ACER3: variants seen among roughly 807,000 people sequenced by gnomAD.
The protein encoded by ACER3 is alkCDase 3.
In ACER3, 16 loss-of-function variants were observed where a neutral mutation model predicts 48.9. The ratio of observed to expected loss-of-function variants is 0.33; its 90% CI spans 0.22 to 0.50. The LOEUF (loss-of-function observed/expected upper bound fraction) is 0.50. ACER3 is among the 20% of genes least tolerant of loss of function. The probability of loss-of-function intolerance (pLI) is 0.98; values close to 1 mark genes in which losing one functional copy is unlikely to be tolerated. For synonymous variants in ACER3, 109 were observed against 107.8 expected (o/e 1.01, Z -0.07); for missense variants, 227 against 326.0 (o/e 0.70, Z 2.34).
At chr11:76,973,086 G>A (rs1249358331) in intron 3 of ACER3, among the ~76,000 whole-genome samples, 2 of 152,210 alleles carry the variant, frequency 1.3e-5, no homozygotes, top group African/African-American at 2.4e-5. Context: ...AGCCCTATAA[G>A]TGAGGCCAGG....
chr11:76,944,121 A>G (rs1016792502), intron 2 of ACER3, among the ~76,000 whole-genome samples: 2 of 152,008 alleles, frequency 1.3e-5, no homozygotes, highest in East Asian at 1.9e-4. Context: ...GTCAATCTAT[A>G]TATTTTAAGT....
chr11:76,996,424 TTATTA>T (rs1948912026), intron 6 of ACER3, among the ~76,000 whole-genome samples: 6 of 140,518 alleles, frequency 4.3e-5, no homozygotes, highest in East Asian at 1.9e-4. Flanking sequence ...ATTATTATTA[TTATTA>T]TTTTTTGAGA....
chr11:77,003,670 A>G (rs1392950920), intron 7 of ACER3, among the ~76,000 whole-genome samples: 5 of 152,228 alleles, frequency 3.3e-5, no homozygotes, highest in Admixed American at 6.5e-5. Context: ...CTATTTCCTA[A>G]TGAGCATTTA....
intron 3 of ACER3, among the ~76,000 whole-genome samples, chr11:76,967,165 G>A (rs1164613539): frequency 6.6e-6 from 1 of 152,134 alleles, no homozygotes; most frequent in Non-Finnish European, 1.5e-5. Context: ...TACCATCAGA[G>A]AATACTATAA....
intron 3 of ACER3, among the ~76,000 whole-genome samples, chr11:76,970,157 G>A (rs1233390240): frequency 6.6e-6 from 1 of 152,054 alleles, no homozygotes; most frequent in African/African-American, 2.4e-5. Flanking sequence ...CCAAAAGGGT[G>A]AGGATTATAA....
At chr11:77,012,031 T>C (rs1357873680) in intron 7 of ACER3, among the ~76,000 whole-genome samples, 4 of 152,094 alleles carry the variant, frequency 2.6e-5, no homozygotes, top group Admixed American at 2.6e-4. Context: ...TATAATTACT[T>C]CTATTCAACA....
chr11:76,926,738 A>T, intron 2 of ACER3, 71 bp downstream of exon 2: 1 of 1,091,504 alleles, frequency 9.2e-7, no homozygotes, highest in Non-Finnish European at 1.3e-6. Flanking sequence ...CATTTCTAAA[A>T]GCGGTTTTCA....
At chr11:76,927,638 G>T (rs10899317) in intron 2 of ACER3, among the ~76,000 whole-genome samples, 113,577 of 150,482 alleles carry the variant, frequency 0.75, 43,219 homozygotes, top group African/African-American at 0.81. Context: ...GGCCCTGGTG[G>T]GTGATGTTCC....
intron 1 of ACER3, among the ~76,000 whole-genome samples, chr11:76,918,815 A>G (rs1190696965): frequency 2.0e-5 from 3 of 152,208 alleles, no homozygotes; most frequent in Non-Finnish European, 4.4e-5. Context: ...AAGTTCACAC[A>G]GCTAGAAGGT....
intron 1 of ACER3, among the ~76,000 whole-genome samples, chr11:76,925,430 G>A (rs1946804020): frequency 6.6e-6 from 1 of 152,196 alleles, no homozygotes; most frequent in Non-Finnish European, 1.5e-5. Context: ...ATGAGTTATA[G>A]TACAATTTTT....
At chr11:76,913,867 T>C (rs1442937062) in intron 1 of ACER3, among the ~76,000 whole-genome samples, 1 of 152,060 alleles carries the variant, frequency 6.6e-6, no homozygotes, top group Admixed American at 6.5e-5. Flanking sequence ...ACCAGTGGAA[T>C]AGAACAGAGC....
intron 2 of ACER3, among the ~76,000 whole-genome samples, chr11:76,950,406 TATATAA>T (rs1565195036): frequency 2.0e-4 from 6 of 29,890 alleles, no homozygotes; most frequent in East Asian, 2.2e-3. Context: ...TATATATATA[TATATAA>T]TTTACACATG....
chr11:76,990,650 T>C (rs1266866354), intron 6 of ACER3, 76 bp downstream of exon 6: 1 of 1,003,570 alleles, frequency 1.0e-6, no homozygotes, highest in Non-Finnish European at 1.5e-6. Context: ...GTCTAAGAAA[T>C]GATATGCAGA....
intron 1 of ACER3, chr11:76,868,277 A>T: frequency 7.8e-7 from 1 of 1,280,376 alleles, no homozygotes; most frequent in Non-Finnish European, 1.0e-6. Flanking sequence ...GGCAAGCAGC[A>T]CTGCCTCCAA....
chr11:76,864,095 G>A (rs1269677987), intron 1 of ACER3, among the ~76,000 whole-genome samples: 1 of 152,186 alleles, frequency 6.6e-6, no homozygotes, highest in Admixed American at 6.5e-5. Context: ...AGTGTTTGGG[G>A]AATTGCATAT....
intron 1 of ACER3, among the ~76,000 whole-genome samples, chr11:76,884,875 C>A (rs1945634228): frequency 6.6e-6 from 1 of 152,010 alleles, no homozygotes; most frequent in African/African-American, 2.4e-5. Flanking sequence ...CTGATCCTCC[C>A]ACCTCAGCCT....
intron 1 of ACER3, among the ~76,000 whole-genome samples, chr11:76,911,003 A>C (rs539251440): frequency 1.8e-4 from 28 of 152,338 alleles, no homozygotes; most frequent in Non-Finnish European, 3.4e-4. Flanking sequence ...AATTGTTTAT[A>C]GTTATTAAGA....
chr11:76,873,390 G>A (rs1334843629), intron 1 of ACER3, among the ~76,000 whole-genome samples: 2 of 152,212 alleles, frequency 1.3e-5, no homozygotes, highest in Non-Finnish European at 2.9e-5. Flanking sequence ...CACAGGGCTG[G>A]TACTGGAACC....
At chr11:76,912,930 A>G (rs1946421528) in intron 1 of ACER3, among the ~76,000 whole-genome samples, 2 of 146,652 alleles carry the variant, frequency 1.4e-5, no homozygotes, top group African/African-American at 5.5e-5. Flanking sequence ...CAGCAGAAAA[A>G]GAGACTGAGG....
Sources: allele counts gnomAD v4.1 joint callset (sites outside exome capture counted in the v4.1 genomes callset), GRCh38; gene constraint gnomAD v4.1.1; transcripts MANE v1.5; gene names NCBI Gene and HGNC (gene_info 2026-07-23, HGNC 2026-07-21).